EIF2AK4: variants seen among roughly 807,000 people sequenced by gnomAD.
EIF2AK4 encodes eukaryotic translation initiation factor 2 alpha kinase 4, also known as eIF-2-alpha kinase GCN2.
EIF2AK4 carries 139 observed loss-of-function variants against 211.1 expected under a neutral mutation model. That is an observed-to-expected ratio of 0.66 (90% CI 0.57 to 0.76). EIF2AK4 has a LOEUF of 0.76. Among genes scored for constraint, EIF2AK4 ranks in the 30% least tolerant of loss-of-function variants. EIF2AK4 has a pLI of 0.00. For synonymous variants in EIF2AK4, 710 were observed against 751.3 expected (o/e 0.94, Z 0.90); for missense variants, 1,664 against 2,043.8 (o/e 0.81, Z 3.58).
chr15:39,943,374 CT>C lies in EIF2AK4; in HGVS notation c.258-5del. 2 of 1,009,070 alleles carry C rather than the reference CT, an allele frequency of 2.0e-6. No homozygotes were observed. The highest frequency in any genetic ancestry group is 2.6e-6 in the Non-Finnish European group (2 of 766,460). 62.5% of individuals were successfully genotyped at this position (1,009,070 alleles called of 1,614,324 possible). On this transcript the variant is annotated splice_polypyrimidine_tract_variant and splice_region_variant and intron_variant, in intron 2 of 38. Coordinates refer to ENST00000263791, the MANE Select transcript of EIF2AK4 (RefSeq NM_001013703.4). ...CTCTTTTTTTTTTTTTTTTTTTTGC[CT>C]TTTCCAGAGTTCCTGAAATAGAGTT... is the stretch of plus-strand genomic sequence containing the variant.
At chr15:40,025,943 C>T in intron 32 of EIF2AK4, 34 bp from the exon 33 acceptor site, 1 of 1,600,302 alleles carries the variant, frequency 6.2e-7, no homozygotes, top group Non-Finnish European at 8.6e-7. Context: ...GTTCAGAAAC[C>T]TCCAAATGAT....
rs374646929 is a variant in EIF2AK4, at chr15:39,953,908, G to A, written c.518G>A (p.Arg173His). The change falls in exon 5 of 39, where the codon CGT (arginine) becomes CAT (histidine). Residue 173 changes from arginine (R) to histidine (H), a missense_variant. Transcript: ENST00000263791. ...EAKRKEEQEQ[R>H]EILHEIQRRK... ...TGATGGTTTGATTTATTTCAGCAAC[G>A]TGAAATCCTGCATGAGATTCAGAGA... The A allele has an allele frequency of 3.1e-6, 5 of 1,611,290 alleles. No homozygotes were observed. Among genetic ancestry groups the A allele is most frequent in the Admixed American group, 3.3e-5 (2 of 59,800 alleles).
chr15:39,940,667 A>G (rs1335763781), intron 2 of EIF2AK4, among the ~76,000 whole-genome samples: 1 of 152,220 alleles, frequency 6.6e-6, no homozygotes, highest in Non-Finnish European at 1.5e-5. Flanking sequence ...AAAGGAAATT[A>G]AAAGAGTGCC....
chr15:39,960,011 A>C (rs141713641), intron 6 of EIF2AK4, among the ~76,000 whole-genome samples: 22,172 of 151,910 alleles, frequency 0.15, 2,225 homozygotes, highest in East Asian at 0.46. Flanking sequence ...AAAATACAAA[A>C]AAATTAGCTA....
At chr15:39,985,313 C>CT (rs2034849413) in intron 13 of EIF2AK4, among the ~76,000 whole-genome samples, 1 of 152,032 alleles carries the variant, frequency 6.6e-6, no homozygotes, top group Non-Finnish European at 1.5e-5. Flanking sequence ...CTGAAATTTT[C>CT]TTTTTTTGTT....
chr15:39,960,406 A>G (rs1272748898), intron 6 of EIF2AK4, among the ~76,000 whole-genome samples: 4 of 152,102 alleles, frequency 2.6e-5, no homozygotes, highest in Non-Finnish European at 4.4e-5. Context: ...AATTAGATGC[A>G]GATGTAGGAG....
At chr15:40,018,149 T>C (rs1430720894) in intron 29 of EIF2AK4, among the ~76,000 whole-genome samples, 1 of 152,230 alleles carries the variant, frequency 6.6e-6, no homozygotes, top group Non-Finnish European at 1.5e-5. Context: ...TTTACTTTAC[T>C]GTTAAATATA....
Position 39,990,369 on chromosome 15 carries a change from G to A in EIF2AK4, c.2623G>A (p.Ala875Thr). ...GDFGLATDHL[A>T]FSADSKQDDQ... ...TTTTGGTTTGGCGACAGACCATCTAGCCTTTTCTGTAAGTATTTTAAAAAT... is the reference window on the plus strand; with the variant it reads ...TTTTGGTTTGGCGACAGACCATCTAACCTTTTCTGTAAGTATTTTAAAAAT... Residue 875 changes from alanine (A) to threonine (T), a missense_variant, in exon 16 of 39, where the codon GCC becomes ACC. By Grantham distance (58) the Ala-to-Thr change is moderately conservative. Transcript: ENST00000263791. The A allele has an allele frequency of 6.2e-7, 1 of 1,613,710 alleles. No individual in the cohort carries two copies. The highest frequency in any genetic ancestry group is 2.2e-5 in the East Asian group (1 of 44,882).
chr15:40,009,838 G>T, intron 26 of EIF2AK4, 108 bp downstream of exon 26: 1 of 796,346 alleles, frequency 1.3e-6, no homozygotes. Context: ...AAACTGAATT[G>T]GGAGCCTTAT....
intron 32 of EIF2AK4, among the ~76,000 whole-genome samples, chr15:40,023,418 T>C (rs1249333364): frequency 6.6e-6 from 1 of 152,212 alleles, no homozygotes; most frequent in Non-Finnish European, 1.5e-5. Context: ...TCTCTCCTCT[T>C]CTGTTTTCTG....
chr15:39,979,597 A>G (rs2034751567), intron 13 of EIF2AK4, among the ~76,000 whole-genome samples: 1 of 152,234 alleles, frequency 6.6e-6, no homozygotes, highest in Admixed American at 6.5e-5. Flanking sequence ...ATGTACTGAC[A>G]AATTTTGGTA....
intron 35 of EIF2AK4, among the ~76,000 whole-genome samples, chr15:40,031,751 A>T (rs1057261210): frequency 6.6e-6 from 1 of 150,858 alleles, no homozygotes; most frequent in Non-Finnish European, 1.5e-5. Flanking sequence ...TTTGAGACAG[A>T]GTCTCACTCT....
intron 27 of EIF2AK4, among the ~76,000 whole-genome samples, chr15:40,015,267 G>T (rs926283517): frequency 3.3e-5 from 5 of 152,080 alleles, no homozygotes; most frequent in African/African-American, 1.2e-4. Context: ...GTATTAGTTT[G>T]TTCTCGTGCT....
intron 16 of EIF2AK4, 73 bp from the exon 17 acceptor site, chr15:39,992,102 T>C: frequency 7.5e-7 from 1 of 1,332,426 alleles, no homozygotes; most frequent in South Asian, 1.3e-5. Context: ...AGTCTTCATT[T>C]AGAAACAGAC....
At chr15:39,971,807 GA>G (rs2034629355) in intron 9 of EIF2AK4, among the ~76,000 whole-genome samples, 1 of 152,222 alleles carries the variant, frequency 6.6e-6, no homozygotes, top group East Asian at 1.9e-4. Flanking sequence ...AGCTTGCATT[GA>G]AATCATTTGG....
intron 7 of EIF2AK4, among the ~76,000 whole-genome samples, chr15:39,964,852 T>C (rs961770866): frequency 6.6e-6 from 1 of 152,212 alleles, no homozygotes; most frequent in Non-Finnish European, 1.5e-5. Context: ...CTCTTGTTCT[T>C]TCCTTCCAAA....
chr15:39,949,327 G>A (rs2034275119), intron 4 of EIF2AK4, 59 bp downstream of exon 4: 4 of 1,592,226 alleles, frequency 2.5e-6, no homozygotes, highest in East Asian at 2.3e-5. Flanking sequence ...GCAAACTACT[G>A]TAGGTTTTAT....
At chr15:39,944,449 T>TTTTTTTTGG (rs1595541563) in intron 3 of EIF2AK4, among the ~76,000 whole-genome samples, 2 of 150,398 alleles carry the variant, frequency 1.3e-5, no homozygotes, top group Admixed American at 6.6e-5. Flanking sequence ...TTTTTTTTTT[T>TTTTTTTTGG]GAGGCGGAGT....
At chr15:39,951,810 TG>T in intron 4 of EIF2AK4, 1 of 162,852 alleles carries the variant, frequency 6.1e-6, no homozygotes. Flanking sequence ...ATACAAGCCA[TG>T]GTATAGAGAC....
Sources: gnomAD v4.1 joint callset for allele counts (sites outside exome capture counted in the v4.1 genomes callset) on GRCh38, gnomAD v4.1.1 for gene constraint, MANE v1.5 for transcripts, NCBI Gene and HGNC (gene_info 2026-07-23, HGNC 2026-07-21) for gene names.